Variants in ARF4 observed in about 807,000 individuals in gnomAD.
The protein encoded by ARF4 is ARF GTPase 4, also known as ADP-ribosylation factor 4.
In ARF4, 5 loss-of-function variants were observed where a neutral mutation model predicts 24.3. That is an observed-to-expected ratio of 0.21 (90% confidence interval 0.11 to 0.43). The LOEUF (loss-of-function observed/expected upper bound fraction) is 0.43, where lower values mean the gene tolerates loss of function less well. Ranked by LOEUF, ARF4 falls within the 20% of genes least tolerant of loss-of-function variation. The pLI is 1.00. For missense variants in ARF4, 107 were observed against 213.0 expected, an observed-to-expected ratio of 0.50 and a Z score of 3.10; for synonymous variants, 62 against 73.5, an observed-to-expected ratio of 0.84 and a Z score of 0.80.
chr3:57,577,800 T>C (rs2069924538), intron 3 of ARF4, among the ~76,000 whole-genome samples: 1 of 152,194 alleles, frequency 6.6e-6, no homozygotes, highest in East Asian at 1.9e-4. Flanking sequence ...CCCAGCACTT[T>C]GGGAGGCTGA....
intron 1 of ARF4, among the ~76,000 whole-genome samples, chr3:57,591,140 T>C (rs1173769086): frequency 6.6e-6 from 1 of 152,144 alleles, no homozygotes; most frequent in African/African-American, 2.4e-5. Context: ...TAAACGAGGA[T>C]GTAAAATGGA....
chr3:57,578,676 C>T (rs1032413522), intron 3 of ARF4, among the ~76,000 whole-genome samples: 2 of 152,156 alleles, frequency 1.3e-5, no homozygotes, highest in African/African-American at 4.8e-5. Context: ...GATGGGGTTT[C>T]ACCACGTTGC....
At chr3:57,572,959 T>G (rs1051599105) in intron 5 of ARF4, among the ~76,000 whole-genome samples, 1 of 152,052 alleles carries the variant, frequency 6.6e-6, no homozygotes, top group African/African-American at 2.4e-5. Context: ...TCCCAGCACT[T>G]TGGGAGGCTG....
chr3:57,590,209 G>C (rs1350027838), intron 1 of ARF4, among the ~76,000 whole-genome samples: 1 of 151,658 alleles, frequency 6.6e-6, no homozygotes, highest in African/African-American at 2.4e-5. Context: ...AATTGAGGCC[G>C]GGTGCAGTGG....
intron 1 of ARF4, among the ~76,000 whole-genome samples, chr3:57,594,824 TGTCA>T (rs1274701963): frequency 2.6e-5 from 4 of 152,340 alleles, no homozygotes; most frequent in Admixed American, 1.3e-4. Context: ...TTATTTTTGC[TGTCA>T]GTCACTCATA....
chr3:57,575,009 C>T (rs2069886578), intron 5 of ARF4, among the ~76,000 whole-genome samples: 1 of 152,114 alleles, frequency 6.6e-6, no homozygotes, highest in Non-Finnish European at 1.5e-5. Flanking sequence ...GCAACCACAC[C>T]TGGCTAATTT....
chr3:57,580,255 G>A (rs1031826563), intron 3 of ARF4, among the ~76,000 whole-genome samples: 12 of 151,998 alleles, frequency 7.9e-5, no homozygotes, highest in South Asian at 2.1e-4. Flanking sequence ...AACTTCATAA[G>A]CTTGTTAAAG....
At chr3:57,585,062 CCAT>C (rs1297418893) in intron 1 of ARF4, among the ~76,000 whole-genome samples, 1 of 152,046 alleles carries the variant, frequency 6.6e-6, no homozygotes, top group Non-Finnish European at 1.5e-5. Flanking sequence ...CGGGGTTTCA[CCAT>C]GTTGGCCAGG....
intron 3 of ARF4, among the ~76,000 whole-genome samples, chr3:57,581,177 A>G (rs531148338): frequency 1.7e-3 from 254 of 152,336 alleles, no homozygotes; most frequent in African/African-American, 5.7e-3. Context: ...TATAAGTTAG[A>G]AACATGGTTA....
intron 1 of ARF4, among the ~76,000 whole-genome samples, chr3:57,589,124 G>A (rs974891564): frequency 1.3e-5 from 2 of 151,774 alleles, no homozygotes; most frequent in African/African-American, 2.4e-5. Flanking sequence ...AAAATTAGCC[G>A]GTTGTGATGG....
Position 57,575,566 on chromosome 3 carries a change from C to T in ARF4, c.438G>A (p.Gln146=), listed in dbSNP as rs781482985. The T allele has an allele frequency of 6.2e-7, 1 of 1,612,770 alleles. No homozygotes were observed. The highest frequency in any genetic ancestry group is 1.1e-5 in the South Asian group (1 of 90,852). Residue 146 remains glutamine (Q), a synonymous_variant, in exon 5 of 6, where the codon CAG becomes CAA. Transcript: ENST00000303436. ...ISEMTDKLGL[Q]SLRNRTWYVQ... is the part of the protein sequence containing the mutation. ...TACTTACTGTTCTGTTACGAAGAGA[C>T]TGAAGCCCTAGTTTATCTGTCATTT...
At chr3:57,586,886 A>C (rs2070044115) in intron 1 of ARF4, among the ~76,000 whole-genome samples, 1 of 152,148 alleles carries the variant, frequency 6.6e-6, no homozygotes, top group African/African-American at 2.4e-5. Flanking sequence ...ATTAACCTTT[A>C]AGTTCAAATA....
At chr3:57,579,044 C>T (rs1380836928) in intron 3 of ARF4, among the ~76,000 whole-genome samples, 1 of 151,932 alleles carries the variant, frequency 6.6e-6, no homozygotes, top group African/African-American at 2.4e-5. Context: ...CGCCTGTAAT[C>T]CCAGCATTCT....
intron 1 of ARF4, chr3:57,596,661 A>C: frequency 5.4e-6 from 1 of 186,236 alleles, no homozygotes; most frequent in Non-Finnish European, 1.1e-5. Context: ...AGGGGAGGGA[A>C]AAGGCTGGAG....
intron 1 of ARF4, among the ~76,000 whole-genome samples, chr3:57,587,319 C>CAAAAAAAAAAAAA (rs56787111): frequency 4.4e-5 from 2 of 45,400 alleles, no homozygotes; most frequent in Non-Finnish European, 9.4e-5. Flanking sequence ...AACTCAGTCT[C>CAAAAAAAAAAAAA]AAAAAAAAAA....
chr3:57,579,203 G>A (rs1291476042), intron 3 of ARF4, among the ~76,000 whole-genome samples: 3 of 130,178 alleles, frequency 2.3e-5, no homozygotes, highest in Non-Finnish European at 4.7e-5. Context: ...GCAGTGAGCC[G>A]AGATGGCGCC....
At chr3:57,587,509 T>C (rs1164991806) in intron 1 of ARF4, among the ~76,000 whole-genome samples, 7 of 151,952 alleles carry the variant, frequency 4.6e-5, no homozygotes, top group Admixed American at 3.3e-4. Context: ...TCCTTGCTCC[T>C]CTACTGATAG....
At chr3:57,596,905 T>C in intron 1 of ARF4, 169 bp downstream of exon 1, 1 of 646,660 alleles carries the variant, frequency 1.5e-6, no homozygotes, top group Non-Finnish European at 2.6e-6. Flanking sequence ...GCGGGGGGGA[T>C]CGCTCACCCT....
chr3:57,597,072 A>C lies in ARF4; in HGVS notation c.67+2T>G. 6.2e-7 allele frequency: 1 copy of C among 1,613,748 alleles called. No homozygotes were observed. The highest frequency in any genetic ancestry group is 8.5e-7 in the Non-Finnish European group (1 of 1,179,772). On this transcript the variant is annotated splice_donor_variant, in intron 1 of 5. Transcript: ENST00000303436. LOFTEE classifies it high-confidence loss of function. The stretch of plus-strand genomic sequence containing the variant: ...CCGCCTGACTCGCAGCCCCTCACTC[A>C]CCCATCAAAATGCGCATCTGCTTCT...
Sources: gnomAD v4.1 joint callset for allele counts (sites outside exome capture counted in the v4.1 genomes callset) on GRCh38, gnomAD v4.1.1 for gene constraint, MANE v1.5 for transcripts, NCBI Gene and HGNC (gene_info 2026-07-23, HGNC 2026-07-21) for gene names.